Variants in MOCOS observed in about 807,000 individuals in gnomAD.
MOCOS encodes the protein human molybdenum cofactor sulfurase.
MOCOS carries 86 observed loss-of-function variants against 83.6 expected under a neutral mutation model. The observed-to-expected ratio is 1.03, with a 90% CI of 0.86 to 1.23. The LOEUF is 1.23. Ranked by LOEUF, MOCOS falls within the 50% of genes most tolerant of loss-of-function variation. MOCOS has a pLI of 0.00. For missense variants in MOCOS, 1,120 were observed against 1,126.9 expected (o/e 0.99, Z 0.09); for synonymous variants, 445 against 434.7 (o/e 1.02, Z -0.29).
chr18:36,250,689 C>T (rs1380307672), intron 10 of MOCOS, among the ~76,000 whole-genome samples: 1 of 152,138 alleles, frequency 6.6e-6, no homozygotes, highest in African/African-American at 2.4e-5. Context: ...TTTCAAACAC[C>T]AGATTGGTAA....
At chr18:36,195,412 A>T (rs1189848401) in intron 2 of MOCOS, 66 bp downstream of exon 2, 14 of 1,366,544 alleles carry the variant, frequency 1.0e-5, no homozygotes. Context: ...GTGCATGTTA[A>T]ACGCTGGATT....
chr18:36,260,408 G>A (rs537353978), intron 13 of MOCOS, among the ~76,000 whole-genome samples: 30 of 152,328 alleles, frequency 2.0e-4, no homozygotes, highest in African/African-American at 7.2e-4. Context: ...CACAGAAGGT[G>A]TGCGAGGGCT....
At chr18:36,194,732 A>G (rs1172870023) in intron 1 of MOCOS, among the ~76,000 whole-genome samples, 1 of 152,212 alleles carries the variant, frequency 6.6e-6, no homozygotes, top group Non-Finnish European at 1.5e-5. Context: ...GATCTCTGCC[A>G]ATCTGATCAG....
At chr18:36,191,383 A>T (rs1054499430) in intron 1 of MOCOS, among the ~76,000 whole-genome samples, 32 of 152,212 alleles carry the variant, frequency 2.1e-4, no homozygotes, top group African/African-American at 7.5e-4. Context: ...TGTCTACCTC[A>T]GAGTCAATTG....
chr18:36,266,695 G>T, intron 13 of MOCOS, 54 bp from the exon 14 acceptor site: 1 of 1,486,110 alleles, frequency 6.7e-7, no homozygotes, highest in South Asian at 1.1e-5. Context: ...CCTCTGAGGT[G>T]CAAGGCTCTG....
chr18:36,268,782 AG>A lies in MOCOS; in HGVS notation c.*98del, dbSNP rs2091690207. 2 of 1,062,934 alleles carry A rather than the reference AG, an allele frequency of 1.9e-6. No individual in the cohort carries two copies. The highest frequency in any genetic ancestry group is 4.0e-5 in the Admixed American group (2 of 50,472). The allele number at this position is 1,062,934 out of a possible 1,614,324, so 65.8% of individuals were successfully genotyped here. A position where few individuals can be genotyped will look rare whatever the true frequency, so the allele number is the denominator to read the frequency against. ...GTAGAACTTGATGTTTTGAATAAGG[AG>A]AGCTCTTTTTCTTTAGAGGCAGGGA... On this transcript the variant is annotated 3_prime_UTR_variant, in exon 15 of 15. Coordinates refer to ENST00000261326, the MANE Select transcript of MOCOS (RefSeq NM_017947.4).
At chr18:36,189,629 C>T (rs2091357077) in intron 1 of MOCOS, among the ~76,000 whole-genome samples, 1 of 152,158 alleles carries the variant, frequency 6.6e-6, no homozygotes, top group South Asian at 2.1e-4. Context: ...AACTTCCTTG[C>T]CTTTGTGAAG....
At chr18:36,217,310 G>A (rs953254542) in intron 8 of MOCOS, among the ~76,000 whole-genome samples, 11 of 152,148 alleles carry the variant, frequency 7.2e-5, no homozygotes, top group South Asian at 2.1e-4. Flanking sequence ...GGAGTGAAAC[G>A]TTTATGGGAG....
At chr18:36,194,200 C>T (rs2091377742) in intron 1 of MOCOS, among the ~76,000 whole-genome samples, 1 of 2,622 alleles carries the variant, frequency 3.8e-4, no homozygotes, top group South Asian at 0.1. Flanking sequence ...TGAAAATATT[C>T]TAAAATTGGT....
intron 1 of MOCOS, among the ~76,000 whole-genome samples, chr18:36,188,536 A>C (rs1021504615): frequency 2.0e-5 from 3 of 152,240 alleles, no homozygotes; most frequent in South Asian, 4.1e-4. Context: ...CGCGTGCCGG[A>C]TGGTCAAGGA....
In MOCOS at chr18:36,198,220, T is replaced by C. The variant is rs1273640054; in HGVS notation, c.233-470T>C. ...CTGGGCAGCACAGTGAGACCTCATC[T>C]CTACAAAAAGTAATTTTAAAAAGTT... On this transcript the variant is annotated intron_variant, in intron 2 of 14. Transcript: ENST00000261326. 3.3e-5 allele frequency among the ~76,000 whole-genome samples: 5 copies of C among 152,218 alleles called. No individual in the cohort carries two copies. The South Asian group carries it at 8.3e-4, about 25-fold the overall frequency.
At chr18:36,249,106 A>G (rs1446051859) in intron 10 of MOCOS, 106 bp downstream of exon 10, 13 of 986,882 alleles carry the variant, frequency 1.3e-5, no homozygotes, top group Non-Finnish European at 2.1e-5. Flanking sequence ...CCTTCAGTCC[A>G]GTTGCTGTCC....
At chr18:36,219,188 AT>A (rs199797963) in intron 8 of MOCOS, among the ~76,000 whole-genome samples, 58,967 of 146,250 alleles carry the variant, frequency 0.4, 12,568 homozygotes, top group South Asian at 0.61. Context: ...TTATTATTTT[AT>A]TTTATTTTTT....
chr18:36,206,085 G>T (rs570774102), intron 6 of MOCOS, among the ~76,000 whole-genome samples: 1 of 152,004 alleles, frequency 6.6e-6, no homozygotes, highest in African/African-American at 2.4e-5. Context: ...TTGGCTCATG[G>T]TTCTGTTGAC....
chr18:36,240,908 C>T (rs186015292), intron 9 of MOCOS, among the ~76,000 whole-genome samples: 73 of 152,280 alleles, frequency 4.8e-4, no homozygotes, highest in Non-Finnish European at 3.7e-4. Flanking sequence ...AGGTGCCGTC[C>T]GTCACCCCTT....
intron 1 of MOCOS, among the ~76,000 whole-genome samples, chr18:36,190,963 G>C (rs573156149): frequency 7.5e-6 from 1 of 133,542 alleles, no homozygotes; most frequent in South Asian, 2.4e-4. Flanking sequence ...AGGTTGCAGT[G>C]AGCCAAGATT....
At position 36,187,508 on chromosome 18, in the gene MOCOS, G is replaced by GC; in HGVS notation, c.-29dup. ...GGGGCCGGCTTCGCGCACTTCCCGG[G>GC]CCCGGCCGGCCTGGATGGACTAGCC... On this transcript the variant is annotated 5_prime_UTR_variant, in exon 1 of 15. Transcript: ENST00000261326. 3 of 1,228,422 alleles carry GC rather than the reference G, an allele frequency of 2.4e-6. No homozygotes were observed. The highest frequency in any genetic ancestry group is 3.0e-6 in the Non-Finnish European group (3 of 985,248). 76.1% of individuals were successfully genotyped at this position (1,228,422 alleles called of 1,614,324 possible). A position where few individuals can be genotyped will look rare whatever the true frequency, so the allele number is the denominator to read the frequency against.
At chr18:36,268,203 T>C (rs1219618439) in intron 14 of MOCOS, among the ~76,000 whole-genome samples, 1 of 152,144 alleles carries the variant, frequency 6.6e-6, no homozygotes, top group Non-Finnish European at 1.5e-5. Context: ...AAACAGGAAA[T>C]GGGCCTGATG....
intron 6 of MOCOS, among the ~76,000 whole-genome samples, chr18:36,207,431 T>G (rs1268369865): frequency 1.3e-5 from 2 of 151,454 alleles, no homozygotes; most frequent in Non-Finnish European, 2.9e-5. Context: ...TGTATAAGTG[T>G]TTTTTTTTAT....
Sources: gnomAD v4.1 joint callset for allele counts (sites outside exome capture counted in the v4.1 genomes callset) on GRCh38, gnomAD v4.1.1 for gene constraint, MANE v1.5 for transcripts, NCBI Gene and HGNC (gene_info 2026-07-23, HGNC 2026-07-21) for gene names.